DCAF6: variants seen among roughly 807,000 people sequenced by gnomAD.
DCAF6 encodes DDB1- and CUL4-associated factor 6.
DCAF6 carries 54 observed loss-of-function variants against 125.1 expected under a neutral mutation model. The observed-to-expected ratio is 0.43, with a 90% CI of 0.35 to 0.54. The LOEUF is 0.54. DCAF6 is among the 20% of genes least tolerant of loss of function. The pLI is 0.01. For synonymous variants in DCAF6, 371 were observed against 390.4 expected, an observed-to-expected ratio of 0.95 and a Z score of 0.58; for missense variants, 934 against 1,161.7, an observed-to-expected ratio of 0.80 and a Z score of 2.85.
intron 12 of DCAF6, among the ~76,000 whole-genome samples, chr1:168,034,812 A>G (rs1218078655): frequency 6.6e-6 from 1 of 152,216 alleles, no homozygotes; most frequent in East Asian, 1.9e-4. Context: ...CATTATGTAA[A>G]TAAGACTTTG....
intron 7 of DCAF6, among the ~76,000 whole-genome samples, chr1:167,997,329 C>T (rs116316010): frequency 6.4e-4 from 98 of 152,252 alleles, no homozygotes; most frequent in African/African-American, 2.3e-3. Context: ...AAGAATAGTT[C>T]GTATGAAGGA....
chr1:167,865,156 T>C, the DCAF6 span, among the ~76,000 whole-genome samples: 1 of 152,108 alleles, frequency 6.6e-6, no homozygotes, highest in Non-Finnish European at 1.5e-5. Context: ...ATGTGCAAGG[T>C]GCATAAGAAA....
Position 167,985,211 on chromosome 1 carries a change from GGTGT to G in DCAF6, c.439-2272_439-2269del, listed in dbSNP as rs35325315. On this transcript the variant is annotated intron_variant, in intron 4 of 21. Coordinates refer to ENST00000367840, the MANE Select transcript of DCAF6 (RefSeq NM_001198956.2). ...TGTGTGTGTGTGTGTGTGTGTGTGT[GGTGT>G]GTGTGTGTGTGGTGTGTGTGTGCGT... 7.4e-5 allele frequency among the ~76,000 whole-genome samples: 10 copies of G among 134,430 alleles called. No individual in the cohort carries two copies. In the East Asian group the frequency reaches 1.0e-3, roughly 14 times the overall value. The allele number at this position is 134,430 out of a possible 152,430, so 88.2% of individuals were successfully genotyped here.
At chr1:167,920,957 T>C in the DCAF6 span, among the ~76,000 whole-genome samples, 1 of 152,198 alleles carries the variant, frequency 6.6e-6, no homozygotes, top group Non-Finnish European at 1.5e-5. Flanking sequence ...ATTTCACATA[T>C]GAATTTATAT....
chr1:167,893,960 G>T, the DCAF6 span: 1 of 1,597,170 alleles, frequency 6.3e-7, no homozygotes, highest in Non-Finnish European at 8.6e-7. Context: ...GCAGAAGGAG[G>T]GTGCAGGCTC....
rs572548649 is a variant in DCAF6 at position 167,941,365 on chromosome 1, T to C, written c.97+4357T>C. ...TCATTGCTTCCTAAAATAGGATGAATCAAGTTATAAGTGCTTAGAAGGTTT... is the reference window on the plus strand; with the variant it reads ...TCATTGCTTCCTAAAATAGGATGAACCAAGTTATAAGTGCTTAGAAGGTTT... On this transcript the variant is annotated intron_variant, in intron 1 of 21. Coordinates refer to ENST00000367840, the MANE Select transcript of DCAF6 (RefSeq NM_001198956.2). 3.9e-5 allele frequency among the ~76,000 whole-genome samples: 6 copies of C among 152,326 alleles called. No individual in the cohort carries two copies. In the South Asian group the frequency reaches 1.0e-3, roughly 26 times the overall value.
intron 12 of DCAF6, among the ~76,000 whole-genome samples, chr1:168,035,387 C>CA (rs1311211202): frequency 6.6e-6 from 1 of 152,140 alleles, no homozygotes; most frequent in African/African-American, 2.4e-5. Flanking sequence ...ATTGAGGATG[C>CA]AGCGAGCCAT....
At chr1:168,045,762 A>C (rs1174083886) in intron 16 of DCAF6, among the ~76,000 whole-genome samples, 2 of 152,212 alleles carry the variant, frequency 1.3e-5, no homozygotes, top group Non-Finnish European at 2.9e-5. Context: ...AGCAATAAAA[A>C]ATTGAATTGC....
At chr1:167,895,367 C>G in the DCAF6 span, among the ~76,000 whole-genome samples, 1 of 152,048 alleles carries the variant, frequency 6.6e-6, no homozygotes, top group East Asian at 1.9e-4. Flanking sequence ...CTTTCCTGAT[C>G]AATGTTTGTA....
intron 1 of DCAF6, 186 bp downstream of exon 1, chr1:167,937,194 A>G (rs1206548428): frequency 8.3e-6 from 5 of 599,542 alleles, no homozygotes; most frequent in African/African-American, 7.7e-5. Context: ...CCCCCTGTGC[A>G]TGCTGCCAGC....
At chr1:167,935,714 G>A (rs1457718967), upstream of DCAF6, 3 of 1,543,408 alleles carry the variant, frequency 1.9e-6, no homozygotes, top group Non-Finnish European at 2.6e-6. Flanking sequence ...TCGATAAGGA[G>A]CCATTCAGGG....
At chr1:167,873,656 T>C in the DCAF6 span, among the ~76,000 whole-genome samples, 3 of 152,170 alleles carry the variant, frequency 2.0e-5, no homozygotes, top group Non-Finnish European at 4.4e-5. Context: ...GTTATCTTTC[T>C]TACAATAAGG....
At chr1:168,004,194 T>G (rs1314854575) in intron 9 of DCAF6, among the ~76,000 whole-genome samples, 1 of 152,178 alleles carries the variant, frequency 6.6e-6, no homozygotes, top group Non-Finnish European at 1.5e-5. Flanking sequence ...AGTGCGTATC[T>G]TTTGCTTTTC....
chr1:168,075,072 G>C (rs767429668), intron 21 of DCAF6, among the ~76,000 whole-genome samples: 27 of 152,136 alleles, frequency 1.8e-4, no homozygotes, highest in African/African-American at 5.8e-4. Context: ...AGCACCTGAT[G>C]TACCTCCTTA....
chr1:167,968,681 C>G (rs1676833271), intron 3 of DCAF6: 1 of 152,258 alleles, frequency 6.6e-6, no homozygotes, highest in South Asian at 2.1e-4. Flanking sequence ...GCTGGAAGAC[C>G]CTGGCACTGG....
the DCAF6 span, among the ~76,000 whole-genome samples, chr1:167,887,782 A>G: frequency 5.3e-3 from 811 of 151,946 alleles, 8 homozygotes; most frequent in African/African-American, 0.018. Context: ...TAATTCTAAA[A>G]AAAAAAAACA....
the DCAF6 span, chr1:167,924,562 T>C: frequency 1.3e-6 from 2 of 1,485,046 alleles, no homozygotes; most frequent in Admixed American, 2.6e-5. Flanking sequence ...AAAAGAAAAA[T>C]TCAGGAATAA....
chr1:168,061,597 A>G (rs1185445689), intron 17 of DCAF6, among the ~76,000 whole-genome samples: 1 of 152,120 alleles, frequency 6.6e-6, no homozygotes, highest in Non-Finnish European at 1.5e-5. Flanking sequence ...TATTTAACCT[A>G]TTCTTTCTAT....
At chr1:167,934,340 A>C (rs1332182722), upstream of DCAF6, among the ~76,000 whole-genome samples, 1 of 152,202 alleles carries the variant, frequency 6.6e-6, no homozygotes, top group Non-Finnish European at 1.5e-5. Context: ...GTCAGGGTTG[A>C]CTTCACATTC....
Sources: allele counts gnomAD v4.1 joint callset (sites outside exome capture counted in the v4.1 genomes callset), GRCh38; gene constraint gnomAD v4.1.1; transcripts MANE v1.5; gene names NCBI Gene and HGNC (gene_info 2026-07-23, HGNC 2026-07-21).